HYDIN: variants seen among roughly 807,000 people sequenced by gnomAD.
The protein encoded by HYDIN is HYDIN axonemal central pair apparatus protein.
A neutral mutation model predicts 403.9 loss-of-function variants in HYDIN; 132 were observed. That is an observed-to-expected ratio of 0.33 (90% CI 0.28 to 0.38). The LOEUF (loss-of-function observed/expected upper bound fraction) is 0.38. Ranked by LOEUF, HYDIN falls within the 10% of genes least tolerant of loss-of-function variation. HYDIN has a pLI of 1.00. For synonymous variants in HYDIN, 1,202 were observed against 1,891.7 expected (o/e 0.64, Z 9.46); for missense variants, 2,827 against 5,009.5 (o/e 0.56, Z 13.15).
At chr16:70,888,640 T>C (rs2041290586) in intron 58 of HYDIN, among the ~76,000 whole-genome samples, 1 of 151,598 alleles carries the variant, frequency 6.6e-6, no homozygotes, top group African/African-American at 2.4e-5. Flanking sequence ...GTTCCCCATG[T>C]GGTATCTCCA....
At chr16:71,108,318 C>A (rs549035570) in intron 10 of HYDIN, among the ~76,000 whole-genome samples, 1 of 151,828 alleles carries the variant, frequency 6.6e-6, no homozygotes, top group South Asian at 2.1e-4. Context: ...AAATCTTAAG[C>A]AAAAGAACAA....
At chr16:71,185,079 T>C (rs2087081174) in intron 2 of HYDIN, 89 bp from the exon 3 acceptor site, 1 of 863,360 alleles carries the variant, frequency 1.2e-6, no homozygotes, top group Non-Finnish European at 1.7e-6. Context: ...ATAATTTGTG[T>C]TTGCAGCTTT....
chr16:71,021,035 T>C (rs2080469364), intron 21 of HYDIN, among the ~76,000 whole-genome samples: 1 of 150,514 alleles, frequency 6.6e-6, no homozygotes, highest in East Asian at 1.9e-4. Context: ...ATAGCTATCA[T>C]TATAATGAAT....
chr16:71,089,830 G>C (rs1247972524), intron 11 of HYDIN, among the ~76,000 whole-genome samples: 3 of 150,476 alleles, frequency 2.0e-5, no homozygotes, highest in African/African-American at 7.4e-5. Context: ...AGGTACTGTG[G>C]AGGAGACAGC....
chr16:70,837,710 C>G lies in HYDIN; in HGVS notation c.13222G>C (p.Gly4408Arg), dbSNP rs758400178. Residue 4408 changes from glycine to arginine, a missense_variant, in exon 77 of 86, where the codon GGG (glycine) becomes CGG (arginine). Transcript: ENST00000393567. Reference sequence around the variant, plus strand: ...GTTACCTTCATTTTGGTACCCTTCCCTTTGATTTCGACTGTTTGTTGTGAG... The same window carrying G: ...GTTACCTTCATTTTGGTACCCTTCCGTTTGATTTCGACTGTTTGTTGTGAG... ...GLSQQTVEIK[G>R]KGTKMKILVL... The G allele has an allele frequency of 8.7e-6, 14 of 1,613,862 alleles. No homozygotes were observed. The highest frequency in any genetic ancestry group is 1.1e-5 in the Non-Finnish European group (13 of 1,179,836).
intron 1 of HYDIN, among the ~76,000 whole-genome samples, chr16:71,193,761 A>T (rs1294258324): frequency 6.6e-6 from 1 of 152,132 alleles, no homozygotes; most frequent in African/African-American, 2.4e-5. Flanking sequence ...AACTATCATG[A>T]TCACCATAAT....
intron 3 of HYDIN, among the ~76,000 whole-genome samples, chr16:71,181,833 T>A (rs2086916241): frequency 6.6e-6 from 1 of 152,090 alleles, no homozygotes; most frequent in Non-Finnish European, 1.5e-5. Flanking sequence ...AAGTTGACAT[T>A]CTTGAAGCTC....
chr16:71,102,051 T>C (rs888634892), intron 10 of HYDIN, among the ~76,000 whole-genome samples: 2 of 152,096 alleles, frequency 1.3e-5, no homozygotes, highest in African/African-American at 2.4e-5. Context: ...AAAACAAATA[T>C]AGTATCATAA....
At chr16:71,126,014 G>C (rs926112922) in intron 9 of HYDIN, among the ~76,000 whole-genome samples, 5 of 151,970 alleles carry the variant, frequency 3.3e-5, no homozygotes, top group African/African-American at 1.2e-4. Flanking sequence ...GGAGTCTGTG[G>C]TCACAGGGAA....
At chr16:70,889,837 C>T (rs527661395) in intron 57 of HYDIN, 133 bp from the exon 58 acceptor site, 6 of 680,362 alleles carry the variant, frequency 8.8e-6, no homozygotes, top group African/African-American at 3.7e-5. Flanking sequence ...CAAGAGGACA[C>T]TGGAGTGGCA....
intron 23 of HYDIN, among the ~76,000 whole-genome samples, chr16:71,017,011 T>G (rs2080282745): frequency 6.6e-6 from 1 of 151,530 alleles, no homozygotes; most frequent in South Asian, 2.1e-4. Flanking sequence ...TTCTCGTGAT[T>G]GTGAGTGAGT....
chr16:71,212,467 G>A (rs551843338), intron 1 of HYDIN, among the ~76,000 whole-genome samples: 8 of 152,182 alleles, frequency 5.3e-5, no homozygotes, highest in East Asian at 3.9e-4. Flanking sequence ...GTATGAAATC[G>A]TTTAAACAAA....
intron 65 of HYDIN, among the ~76,000 whole-genome samples, chr16:70,871,233 G>A (rs1199763814): frequency 6.6e-6 from 1 of 151,782 alleles, no homozygotes; most frequent in Non-Finnish European, 1.5e-5. Context: ...ACTCCAAAAA[G>A]CAAAATTTAT....
At position 70,820,810 on chromosome 16, in the gene HYDIN, G is replaced by A. The variant is rs151136463; in HGVS notation, c.14428-2238C>T. Reference sequence around the variant, plus strand: ...ATTACATGCATGTGCCACCACACCCGTCTAATTTTTGTATTTTTAGTAGAG... The same window carrying A: ...ATTACATGCATGTGCCACCACACCCATCTAATTTTTGTATTTTTAGTAGAG... On this transcript the variant is annotated intron_variant, in intron 83 of 85. Coordinates refer to ENST00000393567, the MANE Select transcript of HYDIN (RefSeq NM_001270974.2). Among the ~76,000 whole-genome samples the A allele has an allele frequency of 9.4e-3, 1,427 of 151,986 alleles. 26 individuals carry two copies. The highest frequency in any genetic ancestry group is 0.032 in the African/African-American group (1,325 of 41,450).
chr16:71,177,363 A>C (rs2086710359), intron 4 of HYDIN, among the ~76,000 whole-genome samples: 1 of 152,250 alleles, frequency 6.6e-6, no homozygotes, highest in African/African-American at 2.4e-5. Context: ...CTGCATGAAA[A>C]GATAGAGCCC....
Position 70,833,007 on chromosome 16 carries a change from A to G in HYDIN, c.13740T>C (p.Tyr4580=), listed in dbSNP as rs2143511955. 8.1e-6 allele frequency: 13 copies of G among 1,614,184 alleles called. No individual in the cohort carries two copies. In the South Asian group the frequency reaches 1.3e-4, roughly 16 times the overall value. The change falls in exon 80 of 86, where the codon TAT becomes TAC. Residue 4580 remains tyrosine (Y), a synonymous_variant. Transcript: ENST00000393567. ...AAGAAACCTCCATGCCTGAGGTAAT[A>G]TAGCCTTCTTCTGGGCTAATGGAGA... ...PHFSISPEEG[Y]ITSGMEVSFE...
At position 70,845,464 on chromosome 16, in the gene HYDIN, T is replaced by G. The variant is rs202064818; in HGVS notation, c.12873+4262A>C. On this transcript the variant is annotated intron_variant, in intron 75 of 85. Transcript: ENST00000393567. Reference sequence around the variant, plus strand: ...TTGCCAGTATTTTATTGAGGATTTTTGCATCAATGTTCATCAAGGATATTG... The same window carrying G: ...TTGCCAGTATTTTATTGAGGATTTTGGCATCAATGTTCATCAAGGATATTG... Among the ~76,000 whole-genome samples, 49 of 111,860 alleles carry G rather than the reference T, an allele frequency of 4.4e-4. 1 individual carries two copies. The East Asian group carries it at 0.011, about 24-fold the overall frequency. 73.4% of individuals were successfully genotyped at this position (111,860 alleles called of 152,430 possible).
At chr16:71,047,036 AT>A (rs2081472934) in intron 18 of HYDIN, among the ~76,000 whole-genome samples, 1 of 152,190 alleles carries the variant, frequency 6.6e-6, no homozygotes, top group African/African-American at 2.4e-5. Context: ...TTTTACCTTA[AT>A]TTCCTTTTGT....
intron 39 of HYDIN, among the ~76,000 whole-genome samples, chr16:70,957,683 A>AT (rs2078287214): frequency 7.2e-6 from 1 of 138,068 alleles, no homozygotes; most frequent in African/African-American, 2.8e-5. Flanking sequence ...TGTTTTTTCC[A>AT]TTCAGCCACT....
Sources: gnomAD v4.1 joint callset for allele counts (sites outside exome capture counted in the v4.1 genomes callset) on GRCh38, gnomAD v4.1.1 for gene constraint, MANE v1.5 for transcripts, NCBI Gene and HGNC (gene_info 2026-07-23, HGNC 2026-07-21) for gene names.